The following LYRM4 variants were observed in gnomAD, a reference collection of about 807,000 sequenced individuals.
The protein encoded by LYRM4 is LYR motif-containing protein 4.
A neutral mutation model predicts 11.7 loss-of-function variants in LYRM4; 9 were observed. That is an observed-to-expected ratio of 0.77 (90% CI 0.46 to 1.34). The LOEUF (loss-of-function observed/expected upper bound fraction) is 1.34, where lower values mean the gene tolerates loss of function less well. Among genes scored for constraint, LYRM4 ranks in the 40% most tolerant of loss-of-function variants. The probability of loss-of-function intolerance (pLI) is 0.00; values close to 1 mark genes in which losing one functional copy is unlikely to be tolerated. For synonymous variants in LYRM4, 42 were observed against 40.4 expected (o/e 1.04, Z -0.15); for missense variants, 133 against 112.5 (o/e 1.18, Z -0.82).
At chr6:5,205,349 C>T (rs2127710553) in intron 2 of LYRM4, among the ~76,000 whole-genome samples, 1 of 152,028 alleles carries the variant, frequency 6.6e-6, no homozygotes, top group African/African-American at 2.4e-5. Context: ...GCCCAGCCCT[C>T]CGGCATCCTG....
At chr6:5,066,597 A>C in the LYRM4 span, 3 of 1,118,482 alleles carry the variant, frequency 2.7e-6, no homozygotes, top group Non-Finnish European at 4.1e-6. Context: ...ATGTGGAATA[A>C]AAGTTTTGTC....
chr6:5,245,161 T>TATATATAA (rs1561899270), intron 1 of LYRM4, among the ~76,000 whole-genome samples: 4 of 72,512 alleles, frequency 5.5e-5, no homozygotes, highest in African/African-American at 2.1e-4. Flanking sequence ...TATATATATA[T>TATATATAA]ATAAAATAGG....
intron 2 of LYRM4, chr6:5,113,254 GA>G: frequency 2.4e-6 from 1 of 411,584 alleles, no homozygotes; most frequent in Non-Finnish European, 4.9e-6. Flanking sequence ...CCAACACGGT[GA>G]AACCCTGTCT....
intron 2 of LYRM4, among the ~76,000 whole-genome samples, chr6:5,166,930 A>G (rs970665503): frequency 2.6e-5 from 4 of 152,152 alleles, no homozygotes; most frequent in African/African-American, 9.7e-5. Context: ...ATTCAAACCA[A>G]ATCAGTCTTG....
chr6:5,164,689 C>T (rs1043863317), intron 2 of LYRM4, among the ~76,000 whole-genome samples: 24 of 152,022 alleles, frequency 1.6e-4, no homozygotes, highest in Non-Finnish European at 7.4e-5. Flanking sequence ...CCATATTGGC[C>T]GGGTGTGGCG....
At chr6:5,062,081 CTTTTTTTTTTT>C in the LYRM4 span, among the ~76,000 whole-genome samples, 1 of 117,280 alleles carries the variant, frequency 8.5e-6, no homozygotes, top group African/African-American at 3.2e-5. Flanking sequence ...CTTCCTTCTT[CTTTTTTTTTTT>C]TTTTTTTTTT....
chr6:5,126,370 T>G (rs764102999), intron 2 of LYRM4, among the ~76,000 whole-genome samples: 4 of 152,184 alleles, frequency 2.6e-5, no homozygotes, highest in Non-Finnish European at 5.9e-5. Context: ...ATCGGCAGTG[T>G]AGTTGCTAGA....
At chr6:5,119,752 G>A (rs1763324231) in intron 2 of LYRM4, among the ~76,000 whole-genome samples, 2 of 120,472 alleles carry the variant, frequency 1.7e-5, no homozygotes, top group African/African-American at 3.3e-5. Context: ...TTGCACAATT[G>A]CACTATAGCC....
chr6:5,133,620 C>T (rs1561818344), intron 2 of LYRM4, among the ~76,000 whole-genome samples: 1 of 152,196 alleles, frequency 6.6e-6, no homozygotes, highest in Non-Finnish European at 1.5e-5. Flanking sequence ...GTAAAGTTCA[C>T]ATAACATAAA....
intron 1 of LYRM4, among the ~76,000 whole-genome samples, chr6:5,233,194 C>CA (rs954493580): frequency 2.0e-5 from 3 of 151,696 alleles, no homozygotes; most frequent in South Asian, 2.1e-4. Context: ...CAATGGCAGG[C>CA]AAAAAAAATG....
At chr6:5,220,496 A>C (rs1325820541) in intron 1 of LYRM4, among the ~76,000 whole-genome samples, 1 of 152,160 alleles carries the variant, frequency 6.6e-6, no homozygotes, top group East Asian at 1.9e-4. Flanking sequence ...AATCCTTTCT[A>C]CTGGCCTCTG....
chr6:5,038,557 C>T, the LYRM4 span, among the ~76,000 whole-genome samples: 5 of 64,726 alleles, frequency 7.7e-5, 2 homozygotes, highest in Non-Finnish European at 1.9e-4. Context: ...GAGGTTGTAG[C>T]GAGCCGAGAT....
At chr6:5,043,250 G>T in the LYRM4 span, 2 of 151,664 alleles carry the variant, frequency 1.3e-5, no homozygotes, top group African/African-American at 4.9e-5. Flanking sequence ...ATTTTTTTGA[G>T]ATATATATAT....
intron 2 of LYRM4, among the ~76,000 whole-genome samples, chr6:5,143,886 A>G (rs1343780015): frequency 6.6e-6 from 1 of 152,240 alleles, no homozygotes; most frequent in East Asian, 1.9e-4. Context: ...CAGCTATTGT[A>G]TAAGTGATTT....
intron 1 of LYRM4, among the ~76,000 whole-genome samples, chr6:5,244,721 G>A (rs1581590741): frequency 6.6e-6 from 1 of 151,984 alleles, no homozygotes; most frequent in African/African-American, 2.4e-5. Context: ...CAACAGTGAC[G>A]ATGTGGGCAG....
chr6:5,217,498 A>G (rs1254848760), intron 1 of LYRM4, among the ~76,000 whole-genome samples: 1 of 152,204 alleles, frequency 6.6e-6, no homozygotes, highest in Non-Finnish European at 1.5e-5. Flanking sequence ...TTCTTAACAC[A>G]AGGCCGTGTC....
the LYRM4 span, among the ~76,000 whole-genome samples, chr6:5,043,619 C>G: frequency 1.3e-5 from 2 of 152,170 alleles, no homozygotes; most frequent in African/African-American, 4.8e-5. Context: ...ATTCCTTGAT[C>G]TGGAAAACCC....
chr6:5,117,266 C>A (rs55994182), intron 2 of LYRM4, among the ~76,000 whole-genome samples: 1 of 152,182 alleles, frequency 6.6e-6, no homozygotes, highest in Non-Finnish European at 1.5e-5. Flanking sequence ...TGTCAAGATG[C>A]GTATCATGGG....
intron 2 of LYRM4, chr6:5,144,329 C>G: frequency 2.0e-6 from 3 of 1,523,982 alleles, no homozygotes. Context: ...AAAGAAGTGG[C>G]TTACGTGTAA....
Sources: gnomAD v4.1 joint callset for allele counts (sites outside exome capture counted in the v4.1 genomes callset) on GRCh38, gnomAD v4.1.1 for gene constraint, MANE v1.5 for transcripts, NCBI Gene and HGNC (gene_info 2026-07-23, HGNC 2026-07-21) for gene names.